Variants in SPPL3 observed in about 807,000 individuals in gnomAD.
The protein encoded by SPPL3 is signal peptide peptidase-like 3.
SPPL3 carries 5 observed loss-of-function variants against 42.4 expected under a neutral mutation model. The ratio of observed to expected loss-of-function variants is 0.12; its 90% confidence interval spans 0.06 to 0.25. The LOEUF (loss-of-function observed/expected upper bound fraction) is 0.25, where lower values mean the gene tolerates loss of function less well. SPPL3 is among the 10% of genes least tolerant of loss of function. The pLI is 1.00. For missense variants in SPPL3, 235 were observed against 489.0 expected, an observed-to-expected ratio of 0.48 and a Z score of 4.90; for synonymous variants, 195 against 181.8, an observed-to-expected ratio of 1.07 and a Z score of -0.58.
At chr12:120,815,518 G>A (rs1378615196) in intron 1 of SPPL3, among the ~76,000 whole-genome samples, 2 of 152,094 alleles carry the variant, frequency 1.3e-5, no homozygotes, top group Non-Finnish European at 2.9e-5. Context: ...TTCTGATGGT[G>A]TCTTACTTGG....
rs548208800 is a variant in SPPL3, at chr12:120,845,460, A to C, written c.24-34574T>G. 1.3e-4 allele frequency: 55 copies of C among 417,758 alleles called. No homozygotes were observed. The Middle Eastern group carries it at 2.5e-3, about 19-fold the overall frequency. 25.9% of individuals were successfully genotyped at this position (417,758 alleles called of 1,614,324 possible). On this transcript the variant is annotated intron_variant, in intron 1 of 10. Transcript: ENST00000353487. Reference sequence around the variant, plus strand: ...CTTGTCCGAGCCGCCCACGCCCCACACAGTGAAGCTAATATTCTTGTACTC... The same window carrying C: ...CTTGTCCGAGCCGCCCACGCCCCACCCAGTGAAGCTAATATTCTTGTACTC...
intron 1 of SPPL3, among the ~76,000 whole-genome samples, chr12:120,812,069 C>T (rs1260638724): frequency 6.7e-6 from 1 of 149,548 alleles, no homozygotes; most frequent in Non-Finnish European, 1.5e-5. Context: ...GCAGTGATCC[C>T]TAGGTTTCTG....
intron 5 of SPPL3, 50 bp downstream of exon 5, chr12:120,783,624 G>A (rs754527217): frequency 1.3e-6 from 2 of 1,500,918 alleles, no homozygotes; most frequent in Non-Finnish European, 1.8e-6. Context: ...AAATATGACA[G>A]AAAAATATAT....
At chr12:120,793,455 C>A (rs1869989878) in intron 2 of SPPL3, among the ~76,000 whole-genome samples, 1 of 152,214 alleles carries the variant, frequency 6.6e-6, no homozygotes, top group Non-Finnish European at 1.5e-5. Context: ...TGCACTCCAG[C>A]CTGAGCAACA....
intron 1 of SPPL3, among the ~76,000 whole-genome samples, chr12:120,856,400 G>T (rs1007155397): frequency 6.6e-6 from 1 of 151,798 alleles, no homozygotes; most frequent in South Asian, 2.1e-4. Flanking sequence ...GCCTAGAGGT[G>T]AGGTTAACAT....
chr12:120,876,571 C>T (rs558183852), intron 1 of SPPL3, among the ~76,000 whole-genome samples: 142 of 137,296 alleles, frequency 1.0e-3, no homozygotes, highest in Non-Finnish European at 1.4e-3. Context: ...GAGCCGAGAT[C>T]GCGCCACTGC....
At chr12:120,766,818 TG>T (rs1341991048) in intron 9 of SPPL3, among the ~76,000 whole-genome samples, 1 of 152,226 alleles carries the variant, frequency 6.6e-6, no homozygotes, top group African/African-American at 2.4e-5. Flanking sequence ...GTTTGTGGAC[TG>T]AAATGAACCC....
At chr12:120,898,822 C>T (rs1873887099) in intron 1 of SPPL3, among the ~76,000 whole-genome samples, 1 of 152,200 alleles carries the variant, frequency 6.6e-6, no homozygotes, top group African/African-American at 2.4e-5. Flanking sequence ...GCTCGTAAAA[C>T]TCTATCACAT....
At chr12:120,768,851 G>T in intron 7 of SPPL3, 102 bp downstream of exon 7, 1 of 985,766 alleles carries the variant, frequency 1.0e-6, no homozygotes, top group Non-Finnish European at 1.5e-6. Context: ...ATCAGCAGCT[G>T]GGCAAGCCCG....
chr12:120,837,331 T>C (rs1251721187), intron 1 of SPPL3, among the ~76,000 whole-genome samples: 3 of 152,230 alleles, frequency 2.0e-5, no homozygotes, highest in African/African-American at 7.2e-5. Context: ...AAGGTTAATA[T>C]TGTCAAAGAG....
At chr12:120,769,110 T>A in intron 6 of SPPL3, 51 bp from the exon 7 acceptor site, 1 of 1,405,706 alleles carries the variant, frequency 7.1e-7, no homozygotes, top group Middle Eastern at 1.8e-4. Context: ...GACTCCAGGC[T>A]CATCCTCTTT....
intron 2 of SPPL3, among the ~76,000 whole-genome samples, chr12:120,796,734 C>T (rs1022822261): frequency 6.6e-6 from 1 of 152,194 alleles, no homozygotes; most frequent in Non-Finnish European, 1.5e-5. Context: ...ATCATTGAGG[C>T]AAGATCTGAG....
chr12:120,805,823 GA>G (rs1402246308), intron 2 of SPPL3, among the ~76,000 whole-genome samples: 1 of 152,048 alleles, frequency 6.6e-6, no homozygotes, highest in African/African-American at 2.4e-5. Flanking sequence ...CTTGCACACT[GA>G]AAATTACAAA....
intron 1 of SPPL3, among the ~76,000 whole-genome samples, chr12:120,825,734 A>T (rs368559258): frequency 6.6e-6 from 1 of 152,230 alleles, no homozygotes. Flanking sequence ...AGTAAAAATC[A>T]TAAGAGTCTA....
intron 1 of SPPL3, chr12:120,845,487 A>G: frequency 2.3e-6 from 1 of 426,310 alleles, no homozygotes; most frequent in Non-Finnish European, 4.6e-6. Flanking sequence ...CTTGTACTCC[A>G]TGGTTTCCAC....
At chr12:120,806,853 A>AG (rs113408824) in intron 2 of SPPL3, among the ~76,000 whole-genome samples, 5 of 146,130 alleles carry the variant, frequency 3.4e-5, no homozygotes, top group Non-Finnish European at 6.0e-5. Context: ...TTAAAAAAAA[A>AG]AAAGAAAGAA....
chr12:120,873,685 C>T (rs1423770387), intron 1 of SPPL3, among the ~76,000 whole-genome samples: 1 of 151,924 alleles, frequency 6.6e-6, no homozygotes, highest in East Asian at 1.9e-4. Context: ...CCAGCCTGAC[C>T]AACATGTGAA....
chr12:120,817,138 A>G (rs968254243), intron 1 of SPPL3, among the ~76,000 whole-genome samples: 1 of 151,682 alleles, frequency 6.6e-6, no homozygotes, highest in Non-Finnish European at 1.5e-5. Flanking sequence ...AAATTAAAAA[A>G]AAAAAAATCA....
chr12:120,876,634 A>AAAAAAAAAAAG (rs1483322103), intron 1 of SPPL3, among the ~76,000 whole-genome samples: 65 of 148,692 alleles, frequency 4.4e-4, no homozygotes, highest in Admixed American at 8.8e-4. Flanking sequence ...AAAAAAAAAA[A>AAAAAAAAAAAG]AAGAAGAAAG....
Sources: allele counts gnomAD v4.1 joint callset (sites outside exome capture counted in the v4.1 genomes callset), GRCh38; gene constraint gnomAD v4.1.1; transcripts MANE v1.5; gene names NCBI Gene and HGNC (gene_info 2026-07-23, HGNC 2026-07-21).